RYR2: variants seen among roughly 807,000 people sequenced by gnomAD.
The protein encoded by RYR2 is ryanodine receptor 2.
Under a neutral mutation model 601.1 loss-of-function variants are expected in RYR2, and 227 were observed. That is an observed-to-expected ratio of 0.38 (90% CI 0.34 to 0.42). RYR2 has a LOEUF of 0.42. Ranked by LOEUF, RYR2 falls within the 10% of genes least tolerant of loss-of-function variation. RYR2 has a pLI of 1.00. For synonymous variants in RYR2, 2,223 were observed against 2,175.1 expected, an observed-to-expected ratio of 1.02 and a Z score of -0.61; for missense variants, 4,646 against 6,156.5, an observed-to-expected ratio of 0.75 and a Z score of 8.21.
chr1:237,676,344 TAC>T (rs1192865100), intron 60 of RYR2, among the ~76,000 whole-genome samples: 1 of 152,192 alleles, frequency 6.6e-6, no homozygotes, highest in Non-Finnish European at 1.5e-5. Flanking sequence ...AACTACCTAC[TAC>T]AGTTTTCTTG....
chr1:237,680,327 C>T (rs868805155), intron 61 of RYR2, 129 bp from the exon 62 acceptor site: 34 of 619,774 alleles, frequency 5.5e-5, no homozygotes, highest in Middle Eastern at 5.2e-4. Context: ...CATACTATGA[C>T]GTGCCTGGCA....
At position 237,496,549 on chromosome 1, in the gene RYR2, C is replaced by G. The variant is rs1664094998; in HGVS notation, c.2000C>G (p.Ser667Cys). 2 of 1,613,996 alleles carry G rather than the reference C, an allele frequency of 1.2e-6. No homozygotes were observed. The highest frequency in any genetic ancestry group is 2.2e-5 in the East Asian group (1 of 44,874). Residue 667 changes from serine (S) to cysteine (C), a missense_variant, in exon 20 of 105, where the codon TCT becomes TGT. This residue lies in a region of RYR2 where 1,807 missense variants were observed against 2,088.1 expected (regional missense o/e 0.87). Coordinates refer to ENST00000366574, the MANE Select transcript of RYR2 (RefSeq NM_001035.3). ...ATTTTTCTGGGCGTCAGTGAAGGTT[C>G]TGCTCAGTATAAGAAATGGTACTAT... ...PNIFLGVSEG[S>C]AQYKKWYYEL...
chr1:237,670,158 G>A (rs1466946636), intron 58 of RYR2, among the ~76,000 whole-genome samples: 7 of 151,816 alleles, frequency 4.6e-5, no homozygotes, highest in African/African-American at 9.6e-5. Flanking sequence ...GCGTGGCGGC[G>A]CGCGCCTGCA....
intron 73 of RYR2, among the ~76,000 whole-genome samples, chr1:237,719,928 A>G (rs2797442): frequency 0.25 from 38,511 of 152,184 alleles, 5,913 homozygotes; most frequent in Middle Eastern, 0.46. Context: ...TCAATAGGCT[A>G]TATCGAGATT....
At chr1:237,621,921 A>T (rs1679116630) in intron 38 of RYR2, among the ~76,000 whole-genome samples, 1 of 152,164 alleles carries the variant, frequency 6.6e-6, no homozygotes, top group Non-Finnish European at 1.5e-5. Context: ...ATGAAAAGGT[A>T]ACAGGAGGGA....
intron 1 of RYR2, among the ~76,000 whole-genome samples, chr1:237,118,546 G>A (rs946054994): frequency 7.2e-5 from 11 of 151,974 alleles, no homozygotes; most frequent in African/African-American, 2.7e-4. Flanking sequence ...GTAGAATGGT[G>A]GTCACCAGGA....
intron 2 of RYR2, among the ~76,000 whole-genome samples, chr1:237,308,997 C>G (rs796677343): frequency 0.011 from 1,222 of 112,684 alleles, no homozygotes; most frequent in South Asian, 0.03. Flanking sequence ...ATTAGCTAGA[C>G]ACAGAGCACT....
intron 3 of RYR2, among the ~76,000 whole-genome samples, chr1:237,354,695 A>T (rs748221423): frequency 2.2e-4 from 34 of 152,082 alleles, no homozygotes; most frequent in Non-Finnish European, 4.0e-4. Context: ...TTAAAAGGAG[A>T]TCTTCAGCTT....
In RYR2 at chr1:237,610,894, G is replaced by A; in HGVS notation, c.4816G>A (p.Val1606Ile). ...WSRMPNQFLK[V>I]DVSRISERQG... Reference sequence around the variant, plus strand: ...CAGAATGCCCAACCAGTTTTTGAAGGTAGATGTGTCTCGAATAAGTGAACG... The same window carrying A: ...CAGAATGCCCAACCAGTTTTTGAAGATAGATGTGTCTCGAATAAGTGAACG... The change falls in exon 36 of 105, where the codon GTA (valine) becomes ATA (isoleucine). Residue 1606 changes from valine (V) to isoleucine (I), a missense_variant. Val to Ile is a conservative substitution (Grantham distance 29). Around this residue, in one of 17 missense-constraint regions of RYR2, gnomAD observed 1,807 missense variants for 2,088.1 expected, o/e 0.87. Transcript: ENST00000366574. This position sits in a 1 kb window ranked among gnomAD's most constrained non-coding sequence, Gnocchi z 4.9. 1.2e-6 allele frequency: 2 copies of A among 1,613,522 alleles called. No homozygotes were observed. The highest frequency in any genetic ancestry group is 1.7e-6 in the Non-Finnish European group (2 of 1,179,730).
Position 237,590,676 on chromosome 1 carries a change from T to C in RYR2, c.3844T>C (p.Cys1282Arg), listed in dbSNP as rs1057518304. The C allele has an allele frequency of 2.6e-6, 4 of 1,568,022 alleles. No homozygotes were observed. The highest frequency in any genetic ancestry group is 2.3e-5 in the East Asian group (1 of 44,440). Residue 1282 changes from cysteine to arginine, a missense_variant, in exon 31 of 105, where the codon TGT (cysteine) becomes CGT (arginine). Transcript: ENST00000366574. ...AGACGGCACCATAGACAGTTCCCCA[T>C]GTTTAAAGGTCACTCAGAAGTCTTT... ...RIDGTIDSSPCLKVTQKSFGS... is the reference protein window; with the variant it reads ...RIDGTIDSSPRLKVTQKSFGS...
At chr1:237,795,391 T>C (rs1658976339) in intron 96 of RYR2, 60 bp downstream of exon 96, 1 of 832,668 alleles carries the variant, frequency 1.2e-6, no homozygotes, top group Non-Finnish European at 1.9e-6. Context: ...TTTTATTTGA[T>C]GTGATTCAGA....
chr1:237,591,784 T>C lies in RYR2; in HGVS notation c.4206T>C (p.Ser1402=), dbSNP rs779728945. The change falls in exon 32 of 105, where the codon TCT becomes TCC. Residue 1402 remains serine (S), a synonymous_variant. Coordinates refer to ENST00000366574, the MANE Select transcript of RYR2 (RefSeq NM_001035.3). ...RTKPDYSTSH[S]ARLTEDVLAD... ...AGCCAGATTACAGCACAAGCCATTC[T>C]GCAAGACTCACCGAAGATGTCCTTG... The C allele has an allele frequency of 6.2e-7, 1 of 1,613,782 alleles. No homozygotes were observed. Among genetic ancestry groups the C allele is most frequent in the Non-Finnish European group, 8.5e-7 (1 of 1,179,806 alleles).
intron 32 of RYR2, among the ~76,000 whole-genome samples, chr1:237,592,927 A>C (rs907607100): frequency 7.9e-5 from 12 of 151,480 alleles, no homozygotes; most frequent in African/African-American, 2.9e-4. Flanking sequence ...AGGCTGAGGC[A>C]GGAGAATCTC....
intron 1 of RYR2, among the ~76,000 whole-genome samples, chr1:237,146,738 T>C (rs2148789648): frequency 6.6e-6 from 1 of 152,348 alleles, no homozygotes; most frequent in East Asian, 1.9e-4. Flanking sequence ...TGTTCATCTA[T>C]TTCCAGAATG....
intron 8 of RYR2, among the ~76,000 whole-genome samples, chr1:237,383,109 C>T (rs907130474): frequency 6.6e-6 from 1 of 151,994 alleles, no homozygotes; most frequent in Non-Finnish European, 1.5e-5. Context: ...ATTCTTGGTA[C>T]GAAGTTTTTG....
intron 2 of RYR2, among the ~76,000 whole-genome samples, chr1:237,324,345 T>A (rs988395057): frequency 5.3e-5 from 8 of 152,212 alleles, no homozygotes; most frequent in African/African-American, 1.9e-4. Flanking sequence ...GGACATAGAA[T>A]TTGATATCTC....
chr1:237,448,274 T>C (rs746996267), intron 14 of RYR2, among the ~76,000 whole-genome samples: 6 of 152,116 alleles, frequency 3.9e-5, no homozygotes, highest in East Asian at 1.9e-4. Context: ...CTTTGACCAA[T>C]AGATTTTTTC....
rs1477582479 is a variant in RYR2 at position 237,369,579 on chromosome 1, A to G, written c.355A>G (p.Ile119Val). The G allele has an allele frequency of 8.3e-6, 13 of 1,564,530 alleles. No individual in the cohort carries two copies. Among genetic ancestry groups the G allele is most frequent in the Non-Finnish European group, 1.1e-5 (13 of 1,152,660 alleles). Reference sequence around the variant, plus strand: ...TCGAACACTCCTCTACGGACATGCCATATTGCTGCGCCATTCCTATAGTGG... The same window carrying G: ...TCGAACACTCCTCTACGGACATGCCGTATTGCTGCGCCATTCCTATAGTGG... ...GHRTLLYGHA[I>V]LLRHSYSGMY... Residue 119 changes from isoleucine to valine, a missense_variant, in exon 6 of 105, where the codon ATA becomes GTA. Physicochemically the swap from Ile to Val is conservative, Grantham distance 29. This residue lies in a region of RYR2 where 153 missense variants were observed against 203.6 expected (regional missense o/e 0.75). Coordinates refer to ENST00000366574, the MANE Select transcript of RYR2 (RefSeq NM_001035.3).
chr1:237,814,958 CTTTT>C (rs1207413143), intron 100 of RYR2, among the ~76,000 whole-genome samples: 2 of 122,616 alleles, frequency 1.6e-5, no homozygotes, highest in African/African-American at 3.1e-5. Flanking sequence ...CTCCTTTTTT[CTTTT>C]TTCTTTTTTT....
Sources: allele counts gnomAD v4.1 joint callset (sites outside exome capture counted in the v4.1 genomes callset), GRCh38; gene constraint gnomAD v4.1.1; regional missense constraint gnomAD v4.1.1; non-coding constraint Gnocchi (gnomAD v3.1); transcripts MANE v1.5; gene names NCBI Gene and HGNC (gene_info 2026-07-23, HGNC 2026-07-21).